Variants in SIRPA observed in about 807,000 individuals in gnomAD.
SIRPA encodes signal regulatory protein alpha.
In SIRPA, 9 loss-of-function variants were observed where a neutral mutation model predicts 50.3. That is an observed-to-expected ratio of 0.18 (90% confidence interval 0.11 to 0.31). The LOEUF (loss-of-function observed/expected upper bound fraction) is 0.31, where lower values mean the gene tolerates loss of function less well. Ranked by LOEUF, SIRPA falls within the 10% of genes least tolerant of loss-of-function variation. SIRPA has a pLI of 1.00. For synonymous variants in SIRPA, 265 were observed against 284.1 expected (o/e 0.93, Z 0.68); for missense variants, 474 against 661.6 (o/e 0.72, Z 3.11).
chr20:1,896,762 A>T (rs2122940737), intron 1 of SIRPA, among the ~76,000 whole-genome samples: 1 of 152,004 alleles, frequency 6.6e-6, no homozygotes, highest in African/African-American at 2.4e-5. Flanking sequence ...GAATTCACAT[A>T]GGCATCCCCC....
At chr20:1,902,190 G>C (rs773984439) in intron 1 of SIRPA, among the ~76,000 whole-genome samples, 41 of 152,072 alleles carry the variant, frequency 2.7e-4, no homozygotes, top group African/African-American at 8.7e-4. Flanking sequence ...GAGGAGAATC[G>C]GGGAGTATAT....
chr20:1,936,057 GGTTGT>G lies in SIRPA; in HGVS notation c.1267-1261_1267-1257del, dbSNP rs1986558127. Among the ~76,000 whole-genome samples the G allele has an allele frequency of 6.6e-6, 1 of 152,110 alleles. No individual in the cohort carries two copies. Among genetic ancestry groups the G allele is most frequent in the African/African-American group, 2.4e-5 (1 of 41,406 alleles). ...GGAATAGATAATCCTTCCCAAGCAG[GGTTGT>G]GGTAAGAGTGGATGGGGTGATCTAT... On this transcript the variant is annotated intron_variant, in intron 7 of 7. Coordinates refer to ENST00000358771, the MANE Select transcript of SIRPA (RefSeq NM_001040023.2). This position sits in a 1 kb window ranked among gnomAD's most constrained non-coding sequence, Gnocchi z 4.2.
At chr20:1,908,126 G>A (rs1984655747) in intron 1 of SIRPA, among the ~76,000 whole-genome samples, 1 of 152,122 alleles carries the variant, frequency 6.6e-6, no homozygotes, top group African/African-American at 2.4e-5. Context: ...AGACTTGAGG[G>A]AAGTGTGTCT....
intron 1 of SIRPA, among the ~76,000 whole-genome samples, chr20:1,913,969 C>A (rs1469383381): frequency 6.6e-6 from 1 of 152,158 alleles, no homozygotes; most frequent in African/African-American, 2.4e-5. Flanking sequence ...CCAACCTCTA[C>A]AATTCCTTCC....
intron 4 of SIRPA, among the ~76,000 whole-genome samples, chr20:1,923,677 T>C (rs1038493039): frequency 6.6e-6 from 1 of 152,132 alleles, no homozygotes; most frequent in Non-Finnish European, 1.5e-5. Flanking sequence ...GTGTAGGGCA[T>C]TGGGCAATGC....
At position 1,927,487 on chromosome 20, in the gene SIRPA, G is replaced by A. The variant is rs1986050366; in HGVS notation, c.1202-388G>A. Among the ~76,000 whole-genome samples the A allele has an allele frequency of 6.6e-6, 1 of 152,192 alleles. No individual in the cohort carries two copies. The highest frequency in any genetic ancestry group is 1.5e-5 in the Non-Finnish European group (1 of 68,034). ...GTTCACACATGATCCCCGATTTGCAGCCCTGCTAGAATCTGTTTTCAAGCC... is the reference window on the plus strand; with the variant it reads ...GTTCACACATGATCCCCGATTTGCAACCCTGCTAGAATCTGTTTTCAAGCC... On this transcript the variant is annotated intron_variant, in intron 5 of 7. Transcript: ENST00000358771. This position sits in a 1 kb window ranked among gnomAD's most constrained non-coding sequence, Gnocchi z 6.5.
intron 7 of SIRPA, among the ~76,000 whole-genome samples, chr20:1,935,763 C>T (rs957378879): frequency 1.3e-5 from 2 of 152,204 alleles, no homozygotes; most frequent in Non-Finnish European, 2.9e-5. Context: ...GTGCCACGCA[C>T]TGGACAGTGA....
intron 1 of SIRPA, among the ~76,000 whole-genome samples, chr20:1,907,999 C>T (rs1338602465): frequency 1.3e-5 from 2 of 152,200 alleles, no homozygotes; most frequent in Non-Finnish European, 2.9e-5. Flanking sequence ...CTGTTGACAG[C>T]TGTGCCCTGT....
rs1292342355 is a variant in SIRPA, at chr20:1,898,331, T to C, written c.79+2805T>C. Among the ~76,000 whole-genome samples, 2 of 152,230 alleles carry C rather than the reference T, an allele frequency of 1.3e-5. No homozygotes were observed. The highest frequency in any genetic ancestry group is 2.9e-5 in the Non-Finnish European group (2 of 68,048). Reference sequence around the variant, plus strand: ...AAGTTCCTTTAAAGCCATAGTTTTCTCTGAGTACTTTCTGGCCTTTACCAA... The same window carrying C: ...AAGTTCCTTTAAAGCCATAGTTTTCCCTGAGTACTTTCTGGCCTTTACCAA... On this transcript the variant is annotated intron_variant, in intron 1 of 7. Coordinates refer to ENST00000358771, the MANE Select transcript of SIRPA (RefSeq NM_001040023.2). This position sits in a 1 kb window ranked among gnomAD's most constrained non-coding sequence, Gnocchi z 4.3.
At position 1,898,676 on chromosome 20, in the gene SIRPA, A is replaced by T. The variant is rs1443300367; in HGVS notation, c.79+3150A>T. Reference sequence around the variant, plus strand: ...GAAGAAGCTCAATGACTTAATCAGGATGATTTAGTCCAAGCTGGAGAGGGA... The same window carrying T: ...GAAGAAGCTCAATGACTTAATCAGGTTGATTTAGTCCAAGCTGGAGAGGGA... On this transcript the variant is annotated intron_variant, in intron 1 of 7. Coordinates refer to ENST00000358771, the MANE Select transcript of SIRPA (RefSeq NM_001040023.2). This position sits in a 1 kb window ranked among gnomAD's most constrained non-coding sequence, Gnocchi z 4.3. Among the ~76,000 whole-genome samples, 2 of 151,958 alleles carry T rather than the reference A, an allele frequency of 1.3e-5. No homozygotes were observed. Among genetic ancestry groups the T allele is most frequent in the Non-Finnish European group, 2.9e-5 (2 of 68,012 alleles).
At chr20:1,895,111 C>T (rs1041053302), upstream of SIRPA, among the ~76,000 whole-genome samples, 10 of 151,530 alleles carry the variant, frequency 6.6e-5, no homozygotes, top group African/African-American at 1.2e-4. Flanking sequence ...TCTTTCTCCC[C>T]CTCTCGCCTC....
rs183517136 is a variant in SIRPA, at chr20:1,932,121, C to T, written c.1227-2594C>T. On this transcript the variant is annotated intron_variant, in intron 6 of 7. Coordinates refer to ENST00000358771, the MANE Select transcript of SIRPA (RefSeq NM_001040023.2). The surrounding 1 kb of genome is among the most constrained non-coding windows in gnomAD (Gnocchi z 6.0). ...TATGGACTGCTGACGATGTGCCAGC[C>T]CAGTTCTTGGTGCTGGGGCTTCAGC... Among the ~76,000 whole-genome samples the T allele has an allele frequency of 2.3e-4, 35 of 152,244 alleles. No homozygotes were observed. In the East Asian group the frequency reaches 6.6e-3, roughly 29 times the overall value.
chr20:1,906,377 C>T (rs901568059), intron 1 of SIRPA, among the ~76,000 whole-genome samples: 1 of 152,088 alleles, frequency 6.6e-6, no homozygotes, highest in African/African-American at 2.4e-5. Context: ...CAAGGAAATG[C>T]GTAGCTTTTT....
Position 1,924,983 on chromosome 20 carries a change from CAAG to C in SIRPA, c.1201+110_1201+112del, listed in dbSNP as rs1288268311. ...TAAGGACATCAGCTTCTGCCAGTAG[CAAG>C]AAGTCCAGAGGTAGTGGTGCTAGGG... On this transcript the variant is annotated intron_variant, in intron 5 of 7. Transcript: ENST00000358771. This position sits in a 1 kb window ranked among gnomAD's most constrained non-coding sequence, Gnocchi z 4.5. The C allele has an allele frequency of 1.2e-6, 1 of 856,670 alleles. No individual in the cohort carries two copies. Among genetic ancestry groups the C allele is most frequent in the African/African-American group, 1.7e-5 (1 of 59,804 alleles). The allele number at this position is 856,670 out of a possible 1,614,324, so 53.1% of individuals were successfully genotyped here.
chr20:1,910,280 T>G (rs1171977391), intron 1 of SIRPA, among the ~76,000 whole-genome samples: 1 of 152,216 alleles, frequency 6.6e-6, no homozygotes. Flanking sequence ...AGCAAACATA[T>G]GGTGACCACC....
At chr20:1,895,271 G>GA, upstream of SIRPA, 1 of 429,560 alleles carries the variant, frequency 2.3e-6, no homozygotes, top group South Asian at 4.5e-5. Flanking sequence ...GGGAGGGGGG[G>GA]TCTCCAAAAA....
chr20:1,896,978 C>T (rs1022867632), intron 1 of SIRPA, among the ~76,000 whole-genome samples: 35 of 152,332 alleles, frequency 2.3e-4, no homozygotes, highest in Middle Eastern at 3.4e-3. Flanking sequence ...ACAAGTGTCA[C>T]TCACAAGTGC....
At chr20:1,912,405 A>G (rs1353671280) in intron 1 of SIRPA, among the ~76,000 whole-genome samples, 1 of 152,186 alleles carries the variant, frequency 6.6e-6, no homozygotes, top group East Asian at 1.9e-4. Flanking sequence ...TCCACCTAAC[A>G]CATGAAGAGA....
At chr20:1,910,539 C>A (rs1352651611) in intron 1 of SIRPA, among the ~76,000 whole-genome samples, 3 of 152,148 alleles carry the variant, frequency 2.0e-5, no homozygotes, top group Non-Finnish European at 4.4e-5. Flanking sequence ...ATTGACCAAT[C>A]AACAAAGATT....
Sources: gnomAD v4.1 joint callset for allele counts (sites outside exome capture counted in the v4.1 genomes callset) on GRCh38, gnomAD v4.1.1 for gene constraint, Gnocchi (gnomAD v3.1) non-coding constraint, MANE v1.5 for transcripts, NCBI Gene and HGNC (gene_info 2026-07-23, HGNC 2026-07-21) for gene names.